Variants in ZMIZ1 observed in about 807,000 individuals in gnomAD.
ZMIZ1 encodes the protein zinc finger MIZ domain-containing protein 1.
ZMIZ1 carries 17 observed loss-of-function variants against 113.9 expected under a neutral mutation model. That is an observed-to-expected ratio of 0.15 (90% CI 0.10 to 0.22). The LOEUF is 0.22. Ranked by LOEUF, ZMIZ1 falls within the 10% of genes least tolerant of loss-of-function variation. ZMIZ1 has a pLI of 1.00. For missense variants in ZMIZ1, 1,059 were observed against 1,477.8 expected (o/e 0.72, Z 4.65); for synonymous variants, 607 against 603.1 (o/e 1.01, Z -0.09).
At chr10:79,267,561 G>A (rs1851683243) in intron 7 of ZMIZ1, among the ~76,000 whole-genome samples, 1 of 152,152 alleles carries the variant, frequency 6.6e-6, no homozygotes, top group South Asian at 2.1e-4. Context: ...TTGCAGAAGG[G>A]AAAACCAAAG....
intron 23 of ZMIZ1, among the ~76,000 whole-genome samples, chr10:79,308,424 T>C (rs1854882920): frequency 6.6e-6 from 1 of 152,142 alleles, no homozygotes. Flanking sequence ...GGCTCTCATC[T>C]TGGGGAGGAG....
chr10:79,184,686 G>A (rs1452385108), intron 4 of ZMIZ1, among the ~76,000 whole-genome samples: 2 of 152,176 alleles, frequency 1.3e-5, no homozygotes, highest in Non-Finnish European at 2.9e-5. Flanking sequence ...TGGGCTCTAT[G>A]TCTAGGAGAT....
chr10:79,156,589 C>T (rs956164582), intron 3 of ZMIZ1, among the ~76,000 whole-genome samples: 1 of 152,234 alleles, frequency 6.6e-6, no homozygotes, highest in Admixed American at 6.5e-5. Context: ...GGAAAGCAGG[C>T]CCAGCAGGCA....
At chr10:79,201,733 G>T in intron 5 of ZMIZ1, 41 bp downstream of exon 5, 1 of 1,604,288 alleles carries the variant, frequency 6.2e-7, no homozygotes. Flanking sequence ...CGGGGCAGAT[G>T]GGGCGGGCTG....
chr10:79,271,498 A>G (rs1278636391), intron 7 of ZMIZ1, among the ~76,000 whole-genome samples: 5 of 152,168 alleles, frequency 3.3e-5, no homozygotes, highest in Admixed American at 6.5e-5. Context: ...GTTTCAGGCT[A>G]TGCCTCAGCA....
At chr10:79,087,179 A>G (rs1349111572) in intron 1 of ZMIZ1, among the ~76,000 whole-genome samples, 7 of 152,384 alleles carry the variant, frequency 4.6e-5, no homozygotes, top group African/African-American at 1.7e-4. Flanking sequence ...CATGTTGCGC[A>G]CTGCACAAGT....
chr10:79,142,349 G>A (rs1429849816), intron 3 of ZMIZ1, among the ~76,000 whole-genome samples: 1 of 152,206 alleles, frequency 6.6e-6, no homozygotes, highest in African/African-American at 2.4e-5. Context: ...GATCACTCGA[G>A]AGTGTGTGGC....
chr10:79,070,585 G>T (rs1374238074), intron 1 of ZMIZ1, among the ~76,000 whole-genome samples: 1 of 151,882 alleles, frequency 6.6e-6, no homozygotes, highest in African/African-American at 2.4e-5. Context: ...CTGCCGCCCA[G>T]CCCTACCCCT....
At chr10:79,264,237 C>G (rs1851449024) in intron 7 of ZMIZ1, among the ~76,000 whole-genome samples, 1 of 152,216 alleles carries the variant, frequency 6.6e-6, no homozygotes, top group Non-Finnish European at 1.5e-5. Flanking sequence ...GCAGGCTGAC[C>G]TTGTCACCTT....
At chr10:79,086,357 C>T (rs1006926967) in intron 1 of ZMIZ1, among the ~76,000 whole-genome samples, 1 of 152,194 alleles carries the variant, frequency 6.6e-6, no homozygotes, top group Non-Finnish European at 1.5e-5. Context: ...AGACCTGGAG[C>T]AGAGAAGGTG....
chr10:79,091,677 C>T (rs1036163958), intron 1 of ZMIZ1, among the ~76,000 whole-genome samples: 1 of 152,008 alleles, frequency 6.6e-6, no homozygotes, highest in African/African-American at 2.4e-5. Flanking sequence ...TACTTCTGGG[C>T]GGTGGAACCG....
rs1022266632 is a variant in ZMIZ1 at position 79,312,505 on chromosome 10, T to C, written c.3097-137T>C. ...TACCTGGCAGGCCCAAGCCCAAGGCTGTTCTCTACCCCTTTTTTTGGCTAG... is the reference window on the plus strand; with the variant it reads ...TACCTGGCAGGCCCAAGCCCAAGGCCGTTCTCTACCCCTTTTTTTGGCTAG... On this transcript the variant is annotated intron_variant, in intron 24 of 24. Coordinates refer to ENST00000334512, the MANE Select transcript of ZMIZ1 (RefSeq NM_020338.4). 1.4e-5 allele frequency: 12 copies of C among 859,110 alleles called. No homozygotes were observed. The African/African-American group carries it at 1.8e-4, about 13-fold the overall frequency. The allele number at this position is 859,110 out of a possible 1,614,324, so 53.2% of individuals were successfully genotyped here. A position where few individuals can be genotyped will look rare whatever the true frequency, so the allele number is the denominator to read the frequency against.
chr10:79,102,080 C>G (rs564036241), intron 1 of ZMIZ1, among the ~76,000 whole-genome samples: 1 of 152,202 alleles, frequency 6.6e-6, no homozygotes, highest in Non-Finnish European at 1.5e-5. Flanking sequence ...GAAGAGCTGT[C>G]CCCTAGCAAT....
chr10:79,286,035 G>C (rs1055651971), intron 8 of ZMIZ1, among the ~76,000 whole-genome samples: 1 of 152,202 alleles, frequency 6.6e-6, no homozygotes, highest in Non-Finnish European at 1.5e-5. Context: ...GGCCGTTTTG[G>C]CTGGACAGGA....
At chr10:79,119,891 C>T (rs1291962581) in intron 2 of ZMIZ1, among the ~76,000 whole-genome samples, 1 of 147,680 alleles carries the variant, frequency 6.8e-6, no homozygotes, top group South Asian at 2.3e-4. Flanking sequence ...TTTTCCTAAG[C>T]TTGTATTAAA....
Position 79,240,234 on chromosome 10 carries a change from C to G in ZMIZ1, c.280+23960C>G, listed in dbSNP as rs372175207. On this transcript the variant is annotated intron_variant, in intron 7 of 24. Coordinates refer to ENST00000334512, the MANE Select transcript of ZMIZ1 (RefSeq NM_020338.4). Reference sequence around the variant, plus strand: ...AGTCATTCCCCTGGGGCTATGCCCCCCTTGCCGAGGTCACTCAGAGAGCTC... The same window carrying G: ...AGTCATTCCCCTGGGGCTATGCCCCGCTTGCCGAGGTCACTCAGAGAGCTC... 1.1e-3 allele frequency among the ~76,000 whole-genome samples: 172 copies of G among 152,382 alleles called. 3 individuals are homozygous for G. In the South Asian group the frequency reaches 0.032, roughly 28 times the overall value.
At chr10:79,302,701 TTTTTGA>T (rs1209769770) in intron 18 of ZMIZ1, among the ~76,000 whole-genome samples, 9 of 134,052 alleles carry the variant, frequency 6.7e-5, no homozygotes, top group African/African-American at 2.2e-4. Context: ...TTTTTTTTTT[TTTTTGA>T]GAGAGAGAGA....
intron 23 of ZMIZ1, 47 bp from the exon 24 acceptor site, chr10:79,310,877 C>G: frequency 6.8e-5 from 105 of 1,553,084 alleles, no homozygotes; most frequent in Non-Finnish European, 7.8e-5. Context: ...CATCGCCGTG[C>G]CTCCTCACCT....
intron 6 of ZMIZ1, among the ~76,000 whole-genome samples, chr10:79,213,694 G>A (rs1848611040): frequency 6.6e-6 from 1 of 152,226 alleles, no homozygotes; most frequent in South Asian, 2.1e-4. Context: ...GTGCAGGTTG[G>A]AAGTTATGGC....
Sources: gnomAD v4.1 joint callset for allele counts (sites outside exome capture counted in the v4.1 genomes callset) on GRCh38, gnomAD v4.1.1 for gene constraint, MANE v1.5 for transcripts, NCBI Gene and HGNC (gene_info 2026-07-23, HGNC 2026-07-21) for gene names.